Variants in GRM8 observed in about 807,000 individuals in gnomAD.
GRM8 encodes the protein metabotropic glutamate receptor 8.
GRM8 carries 47 observed loss-of-function variants against 87.2 expected under a neutral mutation model. That is an observed-to-expected ratio of 0.54 (90% confidence interval 0.43 to 0.69). The LOEUF (loss-of-function observed/expected upper bound fraction) is 0.69. Ranked by LOEUF, GRM8 falls within the 30% of genes least tolerant of loss-of-function variation. The pLI is 0.00. For synonymous variants in GRM8, 396 were observed against 404.5 expected (o/e 0.98, Z 0.25); for missense variants, 1,019 against 1,139.2 (o/e 0.89, Z 1.52).
chr7:127,062,005 G>C (rs761987185), intron 3 of GRM8, among the ~76,000 whole-genome samples: 2 of 152,176 alleles, frequency 1.3e-5, no homozygotes, highest in South Asian at 4.2e-4. Flanking sequence ...GCTGCCAGGC[G>C]TGGTGATGTG....
At chr7:127,161,235 G>A (rs531910227) in intron 2 of GRM8, among the ~76,000 whole-genome samples, 1 of 152,130 alleles carries the variant, frequency 6.6e-6, no homozygotes, top group Admixed American at 6.5e-5. Flanking sequence ...TCCCACCTGT[G>A]TGGCCCTTTG....
At chr7:126,990,461 A>G (rs992551239) in intron 3 of GRM8, among the ~76,000 whole-genome samples, 1 of 152,222 alleles carries the variant, frequency 6.6e-6, no homozygotes, top group South Asian at 2.1e-4. Context: ...AAAATGAAAA[A>G]CAAACTCAAT....
At chr7:126,649,163 G>A (rs940381887) in intron 7 of GRM8, among the ~76,000 whole-genome samples, 13 of 152,126 alleles carry the variant, frequency 8.5e-5, no homozygotes, top group Non-Finnish European at 1.6e-4. Context: ...GGTTAATACC[G>A]AGTGTCAACT....
At chr7:126,690,188 G>A (rs1426063964) in intron 7 of GRM8, among the ~76,000 whole-genome samples, 3 of 152,296 alleles carry the variant, frequency 2.0e-5, no homozygotes, top group East Asian at 1.9e-4. Context: ...AGTTTTGCTC[G>A]GGCCCGCTAG....
chr7:126,786,385 TTC>T (rs1293550204), intron 6 of GRM8, among the ~76,000 whole-genome samples: 1 of 152,184 alleles, frequency 6.6e-6, no homozygotes. Flanking sequence ...TTTAAAGGTA[TTC>T]TGTTATTTGT....
At chr7:126,714,602 C>G (rs1811511933) in intron 7 of GRM8, among the ~76,000 whole-genome samples, 1 of 151,968 alleles carries the variant, frequency 6.6e-6, no homozygotes, top group Admixed American at 6.6e-5. Context: ...AGAAAGGTTT[C>G]CTAGAAGTGT....
At chr7:127,006,958 T>G (rs1265243698) in intron 3 of GRM8, among the ~76,000 whole-genome samples, 1 of 152,046 alleles carries the variant, frequency 6.6e-6, no homozygotes, top group Non-Finnish European at 1.5e-5. Flanking sequence ...CCTTTCCTTC[T>G]TTCTTAGTAA....
intron 3 of GRM8, among the ~76,000 whole-genome samples, chr7:127,006,060 T>C (rs1372798520): frequency 6.6e-6 from 1 of 151,882 alleles, no homozygotes; most frequent in Non-Finnish European, 1.5e-5. Context: ...CACTCTCATA[T>C]GATGACCTTG....
intron 3 of GRM8, among the ~76,000 whole-genome samples, chr7:127,096,107 C>T (rs1824624645): frequency 1.3e-5 from 2 of 152,186 alleles, no homozygotes; most frequent in African/African-American, 2.4e-5. Context: ...TTGATCACTG[C>T]TAAGGTATAG....
At chr7:127,019,328 T>C (rs77726864) in intron 3 of GRM8, among the ~76,000 whole-genome samples, 326 of 152,204 alleles carry the variant, frequency 2.1e-3, no homozygotes, top group African/African-American at 7.5e-3. Flanking sequence ...TCTCCATTGC[T>C]GTATATGACT....
rs1250404644 is a variant in GRM8 at position 126,457,204 on chromosome 7, T to TA, written c.2431-10833dup. On this transcript the variant is annotated intron_variant, in intron 9 of 10. Coordinates refer to ENST00000339582, the MANE Select transcript of GRM8 (RefSeq NM_000845.3). The stretch of plus-strand genomic sequence containing the variant: ...GACTGATGCATTAAAGATAAATCAG[T>TA]AAAAAAAATATCCACGGTGAAGGAT... Among the ~76,000 whole-genome samples the TA allele has an allele frequency of 7.3e-5, 11 of 151,156 alleles. 1 individual carries two copies. In the East Asian group the frequency reaches 9.8e-4, roughly 13 times the overall value.
At chr7:126,929,476 C>T (rs553881347) in intron 3 of GRM8, among the ~76,000 whole-genome samples, 17 of 152,186 alleles carry the variant, frequency 1.1e-4, no homozygotes, top group African/African-American at 3.6e-4. Flanking sequence ...CTCTGTCACC[C>T]AGGCTGCAGT....
At chr7:126,517,976 C>T (rs1812421916) in intron 9 of GRM8, among the ~76,000 whole-genome samples, 1 of 151,938 alleles carries the variant, frequency 6.6e-6, no homozygotes, top group Non-Finnish European at 1.5e-5. Context: ...AAAGTGTTGG[C>T]TTTTTCTTAG....
At chr7:126,802,239 T>C (rs1376408326) in intron 6 of GRM8, among the ~76,000 whole-genome samples, 1 of 152,176 alleles carries the variant, frequency 6.6e-6, no homozygotes, top group East Asian at 1.9e-4. Context: ...ATACAATATA[T>C]GGCTTCTAAC....
intron 7 of GRM8, among the ~76,000 whole-genome samples, chr7:126,621,714 T>C (rs1269745230): frequency 6.8e-6 from 1 of 148,128 alleles, no homozygotes; most frequent in African/African-American, 2.4e-5. Flanking sequence ...ACATCATGCC[T>C]GGCCCCAATC....
At chr7:126,594,040 A>G (rs1353117145) in intron 8 of GRM8, among the ~76,000 whole-genome samples, 1 of 152,074 alleles carries the variant, frequency 6.6e-6, no homozygotes, top group African/African-American at 2.4e-5. Context: ...TAAAACCATA[A>G]TGAGGTATCA....
intron 8 of GRM8, among the ~76,000 whole-genome samples, chr7:126,572,926 A>G (rs531795102): frequency 6.6e-6 from 1 of 152,348 alleles, no homozygotes; most frequent in South Asian, 2.1e-4. Context: ...ACACAGAGAG[A>G]ATGCATAACC....
intron 3 of GRM8, among the ~76,000 whole-genome samples, chr7:127,096,670 T>A (rs1824688002): frequency 6.6e-6 from 1 of 152,234 alleles, no homozygotes; most frequent in East Asian, 1.9e-4. Flanking sequence ...ACTCTACACA[T>A]GAATAAATTG....
intron 3 of GRM8, among the ~76,000 whole-genome samples, chr7:126,983,945 T>C (rs1811791391): frequency 6.6e-6 from 1 of 152,220 alleles, no homozygotes; most frequent in African/African-American, 2.4e-5. Flanking sequence ...AGGACTGTAA[T>C]TGTCATGAGT....
Sources: allele counts gnomAD v4.1 joint callset (sites outside exome capture counted in the v4.1 genomes callset), GRCh38; gene constraint gnomAD v4.1.1; transcripts MANE v1.5; gene names NCBI Gene and HGNC (gene_info 2026-07-23, HGNC 2026-07-21).